RAI14: variants seen among roughly 807,000 people sequenced by gnomAD.
The protein encoded by RAI14 is ankycorbin.
A neutral mutation model predicts 115.4 loss-of-function variants in RAI14; 45 were observed. The ratio of observed to expected loss-of-function variants is 0.39; its 90% CI spans 0.31 to 0.50. The LOEUF is 0.50. Among genes scored for constraint, RAI14 ranks in the 20% least tolerant of loss-of-function variants. The pLI is 0.85. For synonymous variants in RAI14, 371 were observed against 415.4 expected, an observed-to-expected ratio of 0.89 and a Z score of 1.30; for missense variants, 939 against 1,131.2, an observed-to-expected ratio of 0.83 and a Z score of 2.44.
intron 1 of RAI14, chr5:34,658,874 C>T (rs1396536101): frequency 6.6e-6 from 1 of 152,092 alleles, no homozygotes; most frequent in Non-Finnish European, 1.5e-5. Context: ...ATTTTGTCTT[C>T]TACTTCCTAG....
chr5:34,740,347 A>G (rs1425510143), intron 2 of RAI14, among the ~76,000 whole-genome samples: 1 of 152,190 alleles, frequency 6.6e-6, no homozygotes, highest in Non-Finnish European at 1.5e-5. Flanking sequence ...GAGTTCCAGT[A>G]TTACTTGAGT....
At chr5:34,742,214 G>C (rs1179382364) in intron 2 of RAI14, among the ~76,000 whole-genome samples, 3 of 152,160 alleles carry the variant, frequency 2.0e-5, no homozygotes, top group Non-Finnish European at 2.9e-5. Context: ...AGCAAGCCTG[G>C]TTCAGGTCCT....
intron 1 of RAI14, chr5:34,656,725 C>T (rs1194648856): frequency 2.6e-5 from 4 of 152,322 alleles, no homozygotes; most frequent in African/African-American, 9.7e-5. Context: ...CGGGAAGACC[C>T]GGCCAAGTTA....
chr5:34,708,201 G>GTTTTTTTTTTTT (rs146605112), intron 2 of RAI14, among the ~76,000 whole-genome samples: 1 of 147,312 alleles, frequency 6.8e-6, no homozygotes. Context: ...GGAACTTTGG[G>GTTTTTTTTTTTT]TTTTTGTTTT....
At chr5:34,671,859 G>A (rs1485385590) in intron 1 of RAI14, among the ~76,000 whole-genome samples, 1 of 151,992 alleles carries the variant, frequency 6.6e-6, no homozygotes, top group African/African-American at 2.4e-5. Context: ...GTATTGGACA[G>A]TACTGGTCTA....
At chr5:34,808,739 A>C in intron 7 of RAI14, 85 bp downstream of exon 7, 3 of 1,298,434 alleles carry the variant, frequency 2.3e-6, no homozygotes, top group Non-Finnish European at 3.3e-6. Context: ...CTGAGACTTT[A>C]GACTAGCAGT....
chr5:34,752,701 A>ATGTGTGTG (rs764853413), intron 2 of RAI14, among the ~76,000 whole-genome samples: 76 of 90,238 alleles, frequency 8.4e-4, no homozygotes, highest in Middle Eastern at 0.012. Flanking sequence ...TTTCTTACAT[A>ATGTGTGTG]TATGTGTGTG....
At chr5:34,725,083 A>C (rs1027849643) in intron 2 of RAI14, among the ~76,000 whole-genome samples, 2 of 152,106 alleles carry the variant, frequency 1.3e-5, no homozygotes, top group African/African-American at 4.8e-5. Flanking sequence ...GATTTAAATT[A>C]ATCTCTACTT....
At chr5:34,738,194 C>CAG (rs748041724) in intron 2 of RAI14, among the ~76,000 whole-genome samples, 11 of 151,846 alleles carry the variant, frequency 7.2e-5, no homozygotes, top group Admixed American at 1.3e-4. Flanking sequence ...GAGGCTGAGG[C>CAG]AGGTGGATTG....
intron 5 of RAI14, among the ~76,000 whole-genome samples, chr5:34,806,183 A>G (rs1289284357): frequency 6.6e-6 from 1 of 152,216 alleles, no homozygotes; most frequent in African/African-American, 2.4e-5. Flanking sequence ...AGCAAATGGT[A>G]CAATGTGTGC....
At chr5:34,768,746 T>C (rs1749755068) in intron 3 of RAI14, among the ~76,000 whole-genome samples, 2 of 152,142 alleles carry the variant, frequency 1.3e-5, no homozygotes, top group African/African-American at 2.4e-5. Context: ...CCCAGCACTT[T>C]GGGAGGCCGA....
chr5:34,822,664 C>CTTTTTCTTTTTTTTTTTTT (rs1756991248), intron 14 of RAI14, among the ~76,000 whole-genome samples: 1 of 47,534 alleles, frequency 2.1e-5, no homozygotes, highest in African/African-American at 6.6e-5. Flanking sequence ...CCTTTGGTAT[C>CTTTTTCTTTTTTTTTTTTT]TTTTTTTTTT....
intron 1 of RAI14, chr5:34,684,568 C>T (rs1295666739): frequency 2.0e-5 from 3 of 152,210 alleles, no homozygotes; most frequent in African/African-American, 7.2e-5. Flanking sequence ...AGGCTGCAGT[C>T]ACAATGAGGC....
chr5:34,813,303 C>T (rs2150265558), intron 10 of RAI14, among the ~76,000 whole-genome samples: 1 of 152,316 alleles, frequency 6.6e-6, no homozygotes, highest in Non-Finnish European at 1.5e-5. Flanking sequence ...TGTAGTAGAC[C>T]TCAACCTCTA....
At position 34,705,310 on chromosome 5, in the gene RAI14, A is replaced by C. The variant is rs1323682036; in HGVS notation, c.36+18355A>C. Among the ~76,000 whole-genome samples the C allele has an allele frequency of 2.0e-5, 3 of 152,316 alleles. 1 individual carries two copies. Among genetic ancestry groups the C allele is most frequent in the Middle Eastern group, 6.8e-3 (2 of 294 alleles). Reference sequence around the variant, plus strand: ...AGGATTTTTAAAACCTAGTATGAAAAAAAGTAAAATATCCCAATAAGAGTT... The same window carrying C: ...AGGATTTTTAAAACCTAGTATGAAACAAAGTAAAATATCCCAATAAGAGTT... On this transcript the variant is annotated intron_variant, in intron 2 of 17. Coordinates refer to ENST00000265109, the MANE Select transcript of RAI14 (RefSeq NM_015577.3).
At chr5:34,764,511 G>A (rs1243088485) in intron 3 of RAI14, among the ~76,000 whole-genome samples, 3 of 151,318 alleles carry the variant, frequency 2.0e-5, no homozygotes, top group Middle Eastern at 3.4e-3. Context: ...GTAGGCTGAG[G>A]AAGGCCCAGG....
intron 5 of RAI14, 70 bp from the exon 6 acceptor site, chr5:34,807,729 GA>G: frequency 8.3e-7 from 1 of 1,198,154 alleles, no homozygotes; most frequent in Non-Finnish European, 1.2e-6. Context: ...TACCTTGCAG[GA>G]AAAGTCTGAA....
At chr5:34,813,454 G>T in intron 10 of RAI14, 120 bp from the exon 11 acceptor site, 1 of 581,594 alleles carries the variant, frequency 1.7e-6, no homozygotes, top group South Asian at 2.9e-5. Context: ...TTCAGATTTT[G>T]ATAAAGTAAG....
At chr5:34,814,743 ACTGGG>A in intron 12 of RAI14, 74 bp downstream of exon 12, 1 of 1,126,694 alleles carries the variant, frequency 8.9e-7, no homozygotes. Context: ...GTTATATAAC[ACTGGG>A]AAAAACAGAA....
Sources: allele counts gnomAD v4.1 joint callset (sites outside exome capture counted in the v4.1 genomes callset), GRCh38; gene constraint gnomAD v4.1.1; transcripts MANE v1.5; gene names NCBI Gene and HGNC (gene_info 2026-07-23, HGNC 2026-07-21).